Variants in SLC35F5 observed in about 807,000 individuals in gnomAD.
SLC35F5 encodes HCV NS5A-transactivated protein 3.
In SLC35F5, 54 loss-of-function variants were observed where a neutral mutation model predicts 68.6. The observed-to-expected ratio is 0.79, with a 90% confidence interval of 0.63 to 0.99. SLC35F5 has a LOEUF of 0.99. SLC35F5 is among the 50% of genes least tolerant of loss of function. The probability of loss-of-function intolerance (pLI) is 0.00; values close to 1 mark genes in which losing one functional copy is unlikely to be tolerated. For missense variants in SLC35F5, 567 were observed against 626.9 expected (o/e 0.90, Z 1.02); for synonymous variants, 211 against 205.2 (o/e 1.03, Z -0.24).
At chr2:113,741,733 T>C (rs746776291) in intron 7 of SLC35F5, among the ~76,000 whole-genome samples, 50 of 152,000 alleles carry the variant, frequency 3.3e-4, no homozygotes, top group Non-Finnish European at 6.3e-4. Context: ...TGGTATATTT[T>C]ATGTATACTT....
intron 3 of SLC35F5, among the ~76,000 whole-genome samples, chr2:113,752,989 GAA>G (rs897453002): frequency 6.6e-6 from 1 of 151,876 alleles, no homozygotes; most frequent in African/African-American, 2.4e-5. Context: ...AATGCTCCAG[GAA>G]AAAAAGTTTT....
chr2:113,733,948 A>G (rs1050819451), intron 9 of SLC35F5, among the ~76,000 whole-genome samples: 1 of 152,246 alleles, frequency 6.6e-6, no homozygotes, highest in Non-Finnish European at 1.5e-5. Flanking sequence ...TCTTTTTTCA[A>G]TACTGTCTAT....
chr2:113,710,617 T>C lies in SLC35F5; in HGVS notation c.*4601A>G, dbSNP rs1686952738. 6.6e-6 allele frequency among the ~76,000 whole-genome samples: 1 copy of C among 151,448 alleles called. No homozygotes were observed. The highest frequency in any genetic ancestry group is 2.1e-4 in the South Asian group (1 of 4,812). On this transcript the variant is annotated 3_prime_UTR_variant, in exon 16 of 16. Coordinates refer to ENST00000245680, the MANE Select transcript of SLC35F5 (RefSeq NM_025181.5). ...AGCAAGACCCCATCTCTACCAAAAA[T>C]ACAAAAAAACTAATCAGGAATGGGG...
At chr2:113,735,534 C>T (rs147278218) in intron 8 of SLC35F5, among the ~76,000 whole-genome samples, 361 of 152,228 alleles carry the variant, frequency 2.4e-3, no homozygotes, top group Admixed American at 4.5e-3. Flanking sequence ...AGAAAAGGTA[C>T]AGTAAAAATA....
Position 113,756,538 on chromosome 2 carries a change from G to A in SLC35F5, c.-129C>T, listed in dbSNP as rs1677001985. 4 of 1,483,940 alleles carry A rather than the reference G, an allele frequency of 2.7e-6. No individual in the cohort carries two copies. In the South Asian group the frequency reaches 5.3e-5, roughly 20 times the overall value. 91.9% of individuals were successfully genotyped at this position (1,483,940 alleles called of 1,614,324 possible). ...TCCTGAAGACGCGGTGCCCCTCAGG[G>A]AGAGGCTCCCGACACCACCCAACTC... On this transcript the variant is annotated 5_prime_UTR_variant, in exon 1 of 16. Coordinates refer to ENST00000245680, the MANE Select transcript of SLC35F5 (RefSeq NM_025181.5).
chr2:113,738,529 G>T (rs1268559866), intron 7 of SLC35F5, among the ~76,000 whole-genome samples: 1 of 152,062 alleles, frequency 6.6e-6, no homozygotes, highest in African/African-American at 2.4e-5. Context: ...CCCGTATCTT[G>T]TCTATGATGA....
intron 7 of SLC35F5, among the ~76,000 whole-genome samples, chr2:113,739,494 G>C (rs1184196820): frequency 6.6e-6 from 1 of 152,132 alleles, no homozygotes; most frequent in East Asian, 1.9e-4. Context: ...CTTTATTTTA[G>C]TGATAACTTG....
intron 9 of SLC35F5, among the ~76,000 whole-genome samples, chr2:113,733,817 C>A (rs1323002269): frequency 6.6e-6 from 1 of 152,340 alleles, no homozygotes; most frequent in African/African-American, 2.4e-5. Flanking sequence ...TGCCCCAGGG[C>A]AAACAGCAGA....
intron 12 of SLC35F5, among the ~76,000 whole-genome samples, chr2:113,724,363 T>A (rs1158479896): frequency 3.9e-5 from 6 of 152,140 alleles, no homozygotes; most frequent in Non-Finnish European, 7.4e-5. Context: ...GTTAAAAAAA[T>A]CGAGTATCTA....
chr2:113,728,669 A>G (rs1239952172), intron 11 of SLC35F5, among the ~76,000 whole-genome samples: 1 of 152,216 alleles, frequency 6.6e-6, no homozygotes, highest in East Asian at 1.9e-4. Context: ...ATAAAGTTAC[A>G]ACAGCTGGAT....
intron 7 of SLC35F5, among the ~76,000 whole-genome samples, chr2:113,741,177 C>G (rs1225845914): frequency 6.6e-6 from 1 of 152,040 alleles, no homozygotes; most frequent in Non-Finnish European, 1.5e-5. Flanking sequence ...ATAAACCAGT[C>G]TCAAAAAGAC....
At chr2:113,754,444 T>C (rs1676885448) in intron 3 of SLC35F5, among the ~76,000 whole-genome samples, 1 of 152,190 alleles carries the variant, frequency 6.6e-6, no homozygotes, top group Admixed American at 6.5e-5. Context: ...TCCTGCTGTA[T>C]ATTCGCCTTA....
At chr2:113,737,340 G>C (rs1270602164) in intron 7 of SLC35F5, among the ~76,000 whole-genome samples, 1 of 152,194 alleles carries the variant, frequency 6.6e-6, no homozygotes, top group Non-Finnish European at 1.5e-5. Flanking sequence ...GAATGAAACT[G>C]TGGCAACGTG....
chr2:113,703,043 GA>G (rs1458703332), downstream of SLC35F5, among the ~76,000 whole-genome samples: 7 of 152,112 alleles, frequency 4.6e-5, 1 homozygote, highest in Admixed American at 4.6e-4. Context: ...CCTGGTAGTG[GA>G]GGTTGCAATG....
At chr2:113,704,266 T>C (rs1280184313), downstream of SLC35F5, among the ~76,000 whole-genome samples, 1 of 152,150 alleles carries the variant, frequency 6.6e-6, no homozygotes, top group Non-Finnish European at 1.5e-5. Context: ...AGTGGTCTGT[T>C]TTGACAGGGC....
intron 9 of SLC35F5, among the ~76,000 whole-genome samples, chr2:113,733,134 T>A (rs907257354): frequency 1.3e-5 from 2 of 152,178 alleles, no homozygotes; most frequent in Admixed American, 6.5e-5. Context: ...CACTTTTTTT[T>A]AAAGGTACAG....
intron 11 of SLC35F5, among the ~76,000 whole-genome samples, chr2:113,727,134 T>TAAA (rs1687693346): frequency 6.6e-6 from 1 of 152,164 alleles, no homozygotes; most frequent in African/African-American, 2.4e-5. Flanking sequence ...TTAAAGTGTT[T>TAAA]GGCAGTTCCC....
chr2:113,722,312 G>A (rs1687475996), intron 13 of SLC35F5, among the ~76,000 whole-genome samples: 1 of 152,042 alleles, frequency 6.6e-6, no homozygotes, highest in African/African-American at 2.4e-5. Context: ...TTTGATTATT[G>A]CTTGTACACA....
intron 14 of SLC35F5, among the ~76,000 whole-genome samples, chr2:113,718,372 T>C (rs1179097344): frequency 1.3e-5 from 2 of 152,140 alleles, no homozygotes; most frequent in Non-Finnish European, 2.9e-5. Context: ...AAGTTCTTTT[T>C]ATAGCAAAAT....
Sources: allele counts gnomAD v4.1 joint callset (sites outside exome capture counted in the v4.1 genomes callset), GRCh38; gene constraint gnomAD v4.1.1; transcripts MANE v1.5; gene names NCBI Gene and HGNC (gene_info 2026-07-23, HGNC 2026-07-21).